Variants in SYT15B observed in about 807,000 individuals in gnomAD.
The protein encoded by SYT15B is synaptotagmin 15B, also known as synaptotagmin-15.
At chr10:47,746,963 C>T in the SYT15B span, among the ~76,000 whole-genome samples, 1 of 125,256 alleles carries the variant, frequency 8.0e-6, no homozygotes, top group African/African-American at 3.0e-5. Context: ...CTGCTTGAGG[C>T]AGACCAACAC....
At chr10:47,757,330 TG>T in the SYT15B span, 1 of 74,050 alleles carries the variant, frequency 1.4e-5, no homozygotes, top group Non-Finnish European at 2.6e-5. Flanking sequence ...CGAGGGGGGC[TG>T]GGGAGGCCAA....
the SYT15B span, chr10:47,762,842 A>G: frequency 4.3e-6 from 6 of 1,408,840 alleles, no homozygotes; most frequent in Non-Finnish European, 5.5e-6. Context: ...GTCCCGCCCC[A>G]GCCAGTCCCT....
the SYT15B span, among the ~76,000 whole-genome samples, chr10:47,749,283 C>A: frequency 7.3e-6 from 1 of 136,134 alleles, no homozygotes; most frequent in Non-Finnish European, 1.6e-5. Flanking sequence ...AATTTGCTGC[C>A]AGCAGATGTG....
chr10:47,761,164 A>G, the SYT15B span, among the ~76,000 whole-genome samples: 2 of 151,026 alleles, frequency 1.3e-5, no homozygotes, highest in Non-Finnish European at 2.9e-5. Context: ...AGCACCTGAC[A>G]GTGTCAGCCA....
chr10:47,749,035 C>T, the SYT15B span, among the ~76,000 whole-genome samples: 1 of 82,984 alleles, frequency 1.2e-5, no homozygotes, highest in African/African-American at 4.6e-5. Flanking sequence ...GAGTTTGAGA[C>T]CAGCCTGAGC....
chr10:47,761,219 C>T, the SYT15B span, among the ~76,000 whole-genome samples: 1 of 149,300 alleles, frequency 6.7e-6, no homozygotes, highest in Admixed American at 6.7e-5. Context: ...ATTGTGTTCT[C>T]TGGACCTGTT....
At chr10:47,762,185 G>C in the SYT15B span, among the ~76,000 whole-genome samples, 1 of 151,546 alleles carries the variant, frequency 6.6e-6, no homozygotes, top group Admixed American at 6.6e-5. Flanking sequence ...AGGTGAGCAC[G>C]CGCTTAGGGG....
the SYT15B span, chr10:47,757,371 CA>C: frequency 6.3e-6 from 1 of 159,574 alleles, no homozygotes; most frequent in African/African-American, 3.4e-5. Context: ...GTTACTCTGG[CA>C]AGTGCTGAAG....
the SYT15B span, among the ~76,000 whole-genome samples, chr10:47,755,167 G>T: frequency 6.6e-6 from 1 of 151,582 alleles, no homozygotes; most frequent in Admixed American, 6.6e-5. Context: ...ATGTTGGCCA[G>T]GATGGTCTTG....
At chr10:47,759,805 C>T in the SYT15B span, 2 of 1,463,640 alleles carry the variant, frequency 1.4e-6, no homozygotes, top group East Asian at 4.7e-5. Flanking sequence ...CGCTCAGCCT[C>T]CTGCTCATAT....
the SYT15B span, among the ~76,000 whole-genome samples, chr10:47,744,857 T>G: frequency 1.3e-5 from 2 of 152,032 alleles, no homozygotes; most frequent in East Asian, 3.9e-4. Flanking sequence ...ACATGATTTT[T>G]GGATCATTCT....
chr10:47,762,295 C>T, the SYT15B span, among the ~76,000 whole-genome samples: 2 of 151,488 alleles, frequency 1.3e-5, no homozygotes, highest in African/African-American at 4.9e-5. Context: ...TAGGAGGCTT[C>T]GCCCCGGGGG....
chr10:47,755,235 G>A, the SYT15B span, among the ~76,000 whole-genome samples: 3 of 151,188 alleles, frequency 2.0e-5, no homozygotes, highest in African/African-American at 2.4e-5. Flanking sequence ...GATTATAGGC[G>A]TGAGCCACCG....
At chr10:47,755,383 G>A in the SYT15B span, among the ~76,000 whole-genome samples, 6 of 152,186 alleles carry the variant, frequency 3.9e-5, no homozygotes, top group African/African-American at 1.4e-4. Context: ...AGCCTCCCAA[G>A]TAGCTGGGAC....
At chr10:47,762,217 G>A in the SYT15B span, among the ~76,000 whole-genome samples, 1 of 151,980 alleles carries the variant, frequency 6.6e-6, no homozygotes, top group Non-Finnish European at 1.5e-5. Flanking sequence ...CGCGGTGGAC[G>A]AGGTGGGGAG....
the SYT15B span, among the ~76,000 whole-genome samples, chr10:47,745,479 T>G: frequency 7.3e-6 from 1 of 137,442 alleles, no homozygotes; most frequent in Non-Finnish European, 1.6e-5. Flanking sequence ...CCTTTGACTC[T>G]GCACTTATGA....
chr10:47,756,554 G>T, the SYT15B span, among the ~76,000 whole-genome samples: 1 of 144,582 alleles, frequency 6.9e-6, no homozygotes, highest in Non-Finnish European at 1.5e-5. Context: ...CAGGCCCCCT[G>T]GGGCCCCTTA....
chr10:47,761,586 C>G, the SYT15B span: 1 of 1,323,836 alleles, frequency 7.6e-7, no homozygotes, highest in South Asian at 1.3e-5. Context: ...CAGCTTGCCC[C>G]GATCAACAGC....
At chr10:47,756,480 G>A in the SYT15B span, among the ~76,000 whole-genome samples, 1 of 142,424 alleles carries the variant, frequency 7.0e-6, no homozygotes, top group African/African-American at 2.7e-5. Context: ...TGCAGGCCCT[G>A]GTTTACCAGA....
Sources: allele counts gnomAD v4.1 joint callset (sites outside exome capture counted in the v4.1 genomes callset), GRCh38; gene constraint gnomAD v4.1.1; transcripts MANE v1.5; gene names NCBI Gene and HGNC (gene_info 2026-07-23, HGNC 2026-07-21).